Variants in CCSER1 observed in about 807,000 individuals in gnomAD.
CCSER1 encodes the protein serine-rich coiled-coil domain-containing protein 1.
Under a neutral mutation model 82.0 loss-of-function variants are expected in CCSER1, and 41 were observed. The ratio of observed to expected loss-of-function variants is 0.50; its 90% CI spans 0.39 to 0.65. The LOEUF (loss-of-function observed/expected upper bound fraction) is 0.65, where lower values mean the gene tolerates loss of function less well. Ranked by LOEUF, CCSER1 falls within the 30% of genes least tolerant of loss-of-function variation. The pLI is 0.00. For synonymous variants in CCSER1, 414 were observed against 383.9 expected, an observed-to-expected ratio of 1.08 and a Z score of -0.92; for missense variants, 1,119 against 1,064.2, an observed-to-expected ratio of 1.05 and a Z score of -0.72.
chr4:90,562,083 A>T (rs1778834032), intron 5 of CCSER1, among the ~76,000 whole-genome samples: 1 of 151,208 alleles, frequency 6.6e-6, no homozygotes, highest in Non-Finnish European at 1.5e-5. Flanking sequence ...CCAGCTACTC[A>T]GGAGGCTGAG....
At chr4:90,207,029 A>G (rs1258756013) in intron 1 of CCSER1, among the ~76,000 whole-genome samples, 1 of 148,954 alleles carries the variant, frequency 6.7e-6, no homozygotes, top group African/African-American at 2.5e-5. Flanking sequence ...TCTTTTTTCC[A>G]TTTGCTTGAT....
Position 91,030,326 on chromosome 4 carries a change from T to G in CCSER1, c.2173-55624T>G, listed in dbSNP as rs113315094. ...TGGCGATGATGGAAATATTCCATAT[T>G]TACTGTATTCAATATAAAAACTACA... On this transcript the variant is annotated intron_variant, in intron 9 of 10. Coordinates refer to ENST00000509176, the MANE Select transcript of CCSER1 (RefSeq NM_001145065.2). Among the ~76,000 whole-genome samples the G allele has an allele frequency of 9.1e-3, 1,380 of 152,260 alleles. 13 individuals are homozygous for G. Among genetic ancestry groups the G allele is most frequent in the Non-Finnish European group, 0.014 (977 of 68,014 alleles).
intron 5 of CCSER1, among the ~76,000 whole-genome samples, chr4:90,557,857 GT>G: frequency 6.6e-6 from 1 of 152,004 alleles, no homozygotes; most frequent in Non-Finnish European, 1.5e-5. Flanking sequence ...GCCTTAATGT[GT>G]TTTTATTGTA....
At chr4:91,088,749 CA>C (rs1391914825) in intron 10 of CCSER1, among the ~76,000 whole-genome samples, 1 of 152,044 alleles carries the variant, frequency 6.6e-6, no homozygotes, top group Non-Finnish European at 1.5e-5. Flanking sequence ...GATTGTTTAA[CA>C]GATATTTCTA....
At chr4:90,906,830 A>G (rs761292527) in intron 8 of CCSER1, among the ~76,000 whole-genome samples, 3 of 152,034 alleles carry the variant, frequency 2.0e-5, no homozygotes, top group Non-Finnish European at 2.9e-5. Context: ...TTAAGGACTT[A>G]TGGTTGTTGT....
chr4:90,321,271 GT>G (rs1407647647), intron 3 of CCSER1, among the ~76,000 whole-genome samples: 3 of 151,952 alleles, frequency 2.0e-5, no homozygotes, highest in Admixed American at 1.3e-4. Flanking sequence ...GACTTCAAAT[GT>G]TTTAATTTTT....
Position 90,353,992 on chromosome 4 carries a change from C to T in CCSER1, c.1509+40945C>T, listed in dbSNP as rs528150421. 1.2e-4 allele frequency among the ~76,000 whole-genome samples: 19 copies of T among 152,236 alleles called. No homozygotes were observed. The South Asian group carries it at 1.9e-3, about 15-fold the overall frequency. On this transcript the variant is annotated intron_variant, in intron 3 of 10. Transcript: ENST00000509176. ...GAGAGATCTCAAAGAGATATCTGCA[C>T]GCCGTGTTCATTGCAGCATTCTTCA...
intron 7 of CCSER1, among the ~76,000 whole-genome samples, chr4:90,736,935 T>G (rs1015525834): frequency 2.0e-5 from 3 of 152,082 alleles, no homozygotes; most frequent in African/African-American, 7.2e-5. Flanking sequence ...AAAATAGGTT[T>G]AAAATGCAAT....
chr4:90,154,090 A>C (rs1429749397), intron 1 of CCSER1, among the ~76,000 whole-genome samples: 1 of 152,190 alleles, frequency 6.6e-6, no homozygotes, highest in African/African-American at 2.4e-5. Flanking sequence ...TCAGCTTTCT[A>C]CATATGGCTA....
At chr4:90,914,643 C>T (rs1174978667) in intron 8 of CCSER1, among the ~76,000 whole-genome samples, 2 of 146,044 alleles carry the variant, frequency 1.4e-5, no homozygotes, top group Non-Finnish European at 3.0e-5. Flanking sequence ...TAACTAAGAT[C>T]AGAGCAGAAT....
At chr4:91,444,379 A>T (rs190077601) in intron 10 of CCSER1, among the ~76,000 whole-genome samples, 33 of 152,292 alleles carry the variant, frequency 2.2e-4, no homozygotes, top group Admixed American at 1.9e-3. Context: ...GTAATCATCA[A>T]TAATAGGAAA....
intron 10 of CCSER1, among the ~76,000 whole-genome samples, chr4:91,508,565 T>A (rs1560725690): frequency 6.6e-6 from 1 of 151,826 alleles, no homozygotes; most frequent in Non-Finnish European, 1.5e-5. Context: ...GTAGTTTTTT[T>A]TTTTTTTTCA....
chr4:90,911,429 A>G (rs1301027836), intron 8 of CCSER1: 1 of 416,644 alleles, frequency 2.4e-6, no homozygotes, highest in Admixed American at 2.6e-5. Flanking sequence ...TGGCCTTGGC[A>G]TCATTAAGCA....
intron 10 of CCSER1, among the ~76,000 whole-genome samples, chr4:91,443,389 G>C (rs1394210930): frequency 6.6e-6 from 1 of 151,282 alleles, no homozygotes; most frequent in East Asian, 2.0e-4. Context: ...ATCATTCTCA[G>C]TAAACTATCG....
At chr4:90,271,083 T>C (rs1263116207) in intron 1 of CCSER1, among the ~76,000 whole-genome samples, 1 of 152,048 alleles carries the variant, frequency 6.6e-6, no homozygotes. Flanking sequence ...ATCTACAGAT[T>C]TAATACAATT....
chr4:90,198,062 G>A (rs191969812), intron 1 of CCSER1, among the ~76,000 whole-genome samples: 275 of 152,122 alleles, frequency 1.8e-3, no homozygotes, highest in Non-Finnish European at 3.3e-3. Flanking sequence ...CACCTATTAT[G>A]TACCAACAAA....
In CCSER1 at chr4:91,245,714, G is replaced by GTTTC. The variant is rs572232198; in HGVS notation, c.2217+159720_2217+159721insTTTC. 8.2e-3 allele frequency among the ~76,000 whole-genome samples: 1,255 copies of GTTTC among 152,248 alleles called. 22 individuals are homozygous for GTTTC. Among genetic ancestry groups the GTTTC allele is most frequent in the African/African-American group, 0.029 (1,193 of 41,542 alleles). ...ATATATATATTTTGTTTGTTTGTTT[G>GTTTC]AGATGGAGTTTCGCTCTTGTTGCCC... On this transcript the variant is annotated intron_variant, in intron 10 of 10. Coordinates refer to ENST00000509176, the MANE Select transcript of CCSER1 (RefSeq NM_001145065.2).
At chr4:90,787,965 A>T (rs1754735353) in intron 7 of CCSER1, among the ~76,000 whole-genome samples, 1 of 152,216 alleles carries the variant, frequency 6.6e-6, no homozygotes, top group Non-Finnish European at 1.5e-5. Context: ...ACTGCTACAT[A>T]CACTGACTTA....
At chr4:90,964,682 G>C (rs1032013809) in intron 9 of CCSER1, among the ~76,000 whole-genome samples, 4 of 127,462 alleles carry the variant, frequency 3.1e-5, no homozygotes, top group African/African-American at 1.2e-4. Flanking sequence ...CCGAGATTGT[G>C]CCACTGCATT....
Sources: allele counts gnomAD v4.1 joint callset (sites outside exome capture counted in the v4.1 genomes callset), GRCh38; gene constraint gnomAD v4.1.1; transcripts MANE v1.5; gene names NCBI Gene and HGNC (gene_info 2026-07-23, HGNC 2026-07-21).